Variants in CCDC177 observed in about 807,000 individuals in gnomAD.
CCDC177 encodes coiled-coil domain-containing protein 177.
Under a neutral mutation model 7.3 loss-of-function variants are expected in CCDC177, and 2 were observed. That is an observed-to-expected ratio of 0.28 (90% CI 0.11 to 0.87). The LOEUF (loss-of-function observed/expected upper bound fraction) is 0.87. CCDC177 is among the 40% of genes least tolerant of loss of function. The pLI, the probability that CCDC177 is intolerant of heterozygous loss-of-function variation, is 0.61. For synonymous variants in CCDC177, 401 were observed against 449.2 expected, an observed-to-expected ratio of 0.89 and a Z score of 1.36; for missense variants, 874 against 970.5, an observed-to-expected ratio of 0.90 and a Z score of 1.32.
rs371488804 is a variant in CCDC177, at chr14:69,570,714, A to C, written c.*785T>G. The C allele has an allele frequency of 4.3e-5, 18 of 419,958 alleles. No individual in the cohort carries two copies. The East Asian group carries it at 1.1e-3, about 26-fold the overall frequency. The allele number at this position is 419,958 out of a possible 1,614,324, so 26.0% of individuals were successfully genotyped here. ...TTAATGGAATGGAACACTGCTCCCA[A>C]AGGAATCCAGCCCCTCCAGGGGCTG... On this transcript the variant is annotated 3_prime_UTR_variant, in exon 2 of 2. Transcript: ENST00000599174.
rs560787174 is a variant in CCDC177, at chr14:69,573,725, T to C, written c.-28-75A>G. 331 of 1,188,276 alleles carry C rather than the reference T, an allele frequency of 2.8e-4. 4 individuals are homozygous for C. In the African/African-American group the frequency reaches 4.6e-3, roughly 16 times the overall value. 73.6% of individuals were successfully genotyped at this position (1,188,276 alleles called of 1,614,324 possible). Reference sequence around the variant, plus strand: ...CCCCTCCTCATCCATAGTCACCCCATCCCAACTTAATCCGCTTTCGGATTA... The same window carrying C: ...CCCCTCCTCATCCATAGTCACCCCACCCCAACTTAATCCGCTTTCGGATTA... On this transcript the variant is annotated intron_variant, in intron 1 of 1. Transcript: ENST00000599174.
rs1296617771 is a variant in CCDC177 at position 69,572,318 on chromosome 14, C to G, written c.1305G>C (p.Gln435His). 2 of 1,227,244 alleles carry G rather than the reference C, an allele frequency of 1.6e-6. No individual in the cohort carries two copies. Among genetic ancestry groups the G allele is most frequent in the East Asian group, 6.4e-5 (2 of 31,398 alleles). The allele number at this position is 1,227,244 out of a possible 1,614,324, so 76.0% of individuals were successfully genotyped here. A position where few individuals can be genotyped will look rare whatever the true frequency, so the allele number is the denominator to read the frequency against. Residue 435 changes from glutamine to histidine, a missense_variant, in exon 2 of 2, where the codon CAG becomes CAC. By Grantham distance (24) the Gln-to-His change is conservative. Coordinates refer to ENST00000599174, the MANE Select transcript of CCDC177 (RefSeq NM_001271507.2). ...EERRRELAER[Q>H]GLLRRERAER... Reference sequence around the variant, plus strand: ...CCGCCCGCTCCCGCCGCAGGAGGCCCTGGCGTTCGGCCAGCTCCCGCCGCC... The same window carrying G: ...CCGCCCGCTCCCGCCGCAGGAGGCCGTGGCGTTCGGCCAGCTCCCGCCGCC...
chr14:69,572,737 C>A lies in CCDC177; in HGVS notation c.886G>T (p.Val296Phe). The change falls in exon 2 of 2, where the codon GTT becomes TTT. Residue 296 changes from valine to phenylalanine, a missense_variant. Coordinates refer to ENST00000599174, the MANE Select transcript of CCDC177 (RefSeq NM_001271507.2). ...CTGAAGCTGCGGCCGGTGATCGGAA[C>A]CAGGGTCAGGGCAGACGGGCGGCCC... ...APGRPSALTLVPITGRSFSLG... is the reference protein window; with the variant it reads ...APGRPSALTLFPITGRSFSLG... 8.1e-7 allele frequency: 1 copy of A among 1,231,566 alleles called. No homozygotes were observed. Among genetic ancestry groups the A allele is most frequent in the East Asian group, 3.2e-5 (1 of 31,694 alleles). 76.3% of individuals were successfully genotyped at this position (1,231,566 alleles called of 1,614,324 possible).
Position 69,572,066 on chromosome 14 carries a change from C to T in CCDC177, c.1557G>A (p.Arg519=). Residue 519 remains arginine, a synonymous_variant, in exon 2 of 2, where the codon CGG becomes CGA. Transcript: ENST00000599174. ...CTCGCTCCTGGCGCTGCTGCCGGGT[C>T]CGACCCTGTAGCAGCGCCTCGTGGC... ...RARHEALLQG[R]TRQQRQEREG... The T allele has an allele frequency of 3.2e-6, 4 of 1,230,970 alleles. No homozygotes were observed. Among genetic ancestry groups the T allele is most frequent in the Non-Finnish European group, 4.1e-6 (4 of 987,468 alleles). The allele number at this position is 1,230,970 out of a possible 1,614,324, so 76.3% of individuals were successfully genotyped here.
chr14:69,572,046 T>C lies in CCDC177; in HGVS notation c.1577A>G (p.Glu526Gly). ...LQGRTRQQRQ[E>G]REGLRSSLEA... ...CAGCGAGCTCCGCAGGCCCTCTCGCTCCTGGCGCTGCTGCCGGGTCCGACC... is the reference window on the plus strand; with the variant it reads ...CAGCGAGCTCCGCAGGCCCTCTCGCCCCTGGCGCTGCTGCCGGGTCCGACC... The change falls in exon 2 of 2, where the codon GAG (glutamate) becomes GGG (glycine). Residue 526 changes from glutamate to glycine, a missense_variant. Transcript: ENST00000599174. 1 of 1,231,018 alleles carries C rather than the reference T, an allele frequency of 8.1e-7. No homozygotes were observed. The highest frequency in any genetic ancestry group is 1.0e-6 in the Non-Finnish European group (1 of 987,600). 76.3% of individuals were successfully genotyped at this position (1,231,018 alleles called of 1,614,324 possible).
rs4902734 is a variant in CCDC177, at chr14:69,573,164, C to G, written c.459G>C (p.Glu153Asp). ...GCCGCTTCTCCTCGCGCATGATGCGCTCGCGCTCGGCCCGGCATTGCTGCA... is the reference window on the plus strand; with the variant it reads ...GCCGCTTCTCCTCGCGCATGATGCGGTCGCGCTCGGCCCGGCATTGCTGCA... ...AKLQQCRAER[E>D]RIMREEKRRL... Residue 153 changes from glutamate (E) to aspartate (D), a missense_variant, in exon 2 of 2, where the codon GAG becomes GAC. Glu to Asp is a conservative substitution (Grantham distance 45). Coordinates refer to ENST00000599174, the MANE Select transcript of CCDC177 (RefSeq NM_001271507.2). 0.8 allele frequency: 981,478 copies of G among 1,230,306 alleles called. 393,596 individuals are homozygous for G. The highest frequency in any genetic ancestry group is 0.84 in the Admixed American group (19,879 of 23,652). 76.2% of individuals were successfully genotyped at this position (1,230,306 alleles called of 1,614,324 possible).
rs1288823794 is a variant in CCDC177 at position 69,572,148 on chromosome 14, C to A, written c.1475G>T (p.Arg492Leu). The change falls in exon 2 of 2, where the codon CGG becomes CTG. Residue 492 changes from arginine to leucine, a missense_variant. Physicochemically the swap from Arg to Leu is moderately radical, Grantham distance 102. Coordinates refer to ENST00000599174, the MANE Select transcript of CCDC177 (RefSeq NM_001271507.2). ...RAQRAARAKQRQEGQLQREKR... is the reference protein window; with the variant it reads ...RAQRAARAKQLQEGQLQREKR... ...CTCCCGCTGCAGCTGGCCCTCCTGCCGCTGCTTGGCGCGGGCCGCGCGCTG... is the reference window on the plus strand; with the variant it reads ...CTCCCGCTGCAGCTGGCCCTCCTGCAGCTGCTTGGCGCGGGCCGCGCGCTG... 4.9e-6 allele frequency: 6 copies of A among 1,230,644 alleles called. No homozygotes were observed. The highest frequency in any genetic ancestry group is 3.1e-5 in the African/African-American group (2 of 64,318). The allele number at this position is 1,230,644 out of a possible 1,614,324, so 76.2% of individuals were successfully genotyped here.
chr14:69,570,966 C>A lies in CCDC177; in HGVS notation c.*533G>T, dbSNP rs188065373. 3.5e-5 allele frequency: 16 copies of A among 459,250 alleles called. No homozygotes were observed. The highest frequency in any genetic ancestry group is 6.2e-5 in the South Asian group (4 of 64,592). 28.4% of individuals were successfully genotyped at this position (459,250 alleles called of 1,614,324 possible). On this transcript the variant is annotated 3_prime_UTR_variant, in exon 2 of 2. Transcript: ENST00000599174. ...TCAACTGCTTTTTGGATCATTTGGGCGTGGCTTGACACCTTGGAGGAGCTG... is the reference window on the plus strand; with the variant it reads ...TCAACTGCTTTTTGGATCATTTGGGAGTGGCTTGACACCTTGGAGGAGCTG...
chr14:69,571,882 G>A lies in CCDC177; in HGVS notation c.1741C>T (p.His581Tyr), dbSNP rs1369432760. ...KEAAERKERE[H>Y]QAHLEALARA... is the part of the protein sequence containing the mutation. The stretch of plus-strand genomic sequence containing the variant: ...GCCAGCGCCTCCAGGTGCGCCTGAT[G>A]TTCCCGCTCTTTGCGCTCTGCCGCC... Residue 581 changes from histidine to tyrosine, a missense_variant, in exon 2 of 2, where the codon CAT becomes TAT. Physicochemically the swap from His to Tyr is moderately conservative, Grantham distance 83. Coordinates refer to ENST00000599174, the MANE Select transcript of CCDC177 (RefSeq NM_001271507.2). 1.4e-5 allele frequency: 17 copies of A among 1,231,688 alleles called. No homozygotes were observed. Among genetic ancestry groups the A allele is most frequent in the Admixed American group, 4.2e-5 (1 of 23,694 alleles). 76.3% of individuals were successfully genotyped at this position (1,231,688 alleles called of 1,614,324 possible).
In CCDC177 at chr14:69,573,397, G is replaced by C; in HGVS notation, c.226C>G (p.Leu76Val). ...GCCTCTGGGCAGTCGAAGTTGAAGAGGTCGAGGTGCAGCAGCGGGGACTGC... is the reference window on the plus strand; with the variant it reads ...GCCTCTGGGCAGTCGAAGTTGAAGACGTCGAGGTGCAGCAGCGGGGACTGC... ...REQSPLLHLDLFNFDCPEAEG... is the reference protein window; with the variant it reads ...REQSPLLHLDVFNFDCPEAEG... The change falls in exon 2 of 2, where the codon CTC (leucine) becomes GTC (valine). Residue 76 changes from leucine to valine, a missense_variant. Transcript: ENST00000599174. 3 of 1,231,448 alleles carry C rather than the reference G, an allele frequency of 2.4e-6. No homozygotes were observed. The highest frequency in any genetic ancestry group is 1.0e-6 in the Non-Finnish European group (1 of 987,764). The allele number at this position is 1,231,448 out of a possible 1,614,324, so 76.3% of individuals were successfully genotyped here. A position where few individuals can be genotyped will look rare whatever the true frequency, so the allele number is the denominator to read the frequency against.
In CCDC177 at chr14:69,572,287, C is replaced by A. The variant is rs560978456; in HGVS notation, c.1336G>T (p.Ala446Ser). The A allele has an allele frequency of 8.1e-7, 1 of 1,228,400 alleles. No individual in the cohort carries two copies. 76.1% of individuals were successfully genotyped at this position (1,228,400 alleles called of 1,614,324 possible). A position where few individuals can be genotyped will look rare whatever the true frequency, so the allele number is the denominator to read the frequency against. The change falls in exon 2 of 2, where the codon GCG becomes TCG. Residue 446 changes from alanine to serine, a missense_variant. Ala to Ser is a moderately conservative substitution (Grantham distance 99). Coordinates refer to ENST00000599174, the MANE Select transcript of CCDC177 (RefSeq NM_001271507.2). ...TTGCGCAGCCGATCCTCCCGGGCCG[C>A]GCGCTCCGCCCGCTCCCGCCGCAGG... ...GLLRRERAER[A>S]AREDRLRKLQ...
In CCDC177 at chr14:69,572,227, C is replaced by A. The variant is rs953037062; in HGVS notation, c.1396G>T (p.Glu466Ter). 8.9e-6 allele frequency: 11 copies of A among 1,229,550 alleles called. No individual in the cohort carries two copies. The highest frequency in any genetic ancestry group is 1.1e-5 in the Non-Finnish European group (11 of 986,696). 76.2% of individuals were successfully genotyped at this position (1,229,550 alleles called of 1,614,324 possible). A position where few individuals can be genotyped will look rare whatever the true frequency, so the allele number is the denominator to read the frequency against. Residue 466 changes from glutamate (E) to a stop codon, truncating the protein, a stop_gained, in exon 2 of 2, where the codon GAA becomes TAA. Transcript: ENST00000599174. LOFTEE classifies it low-confidence loss of function (END_TRUNC). ...CGCTCCCGCCCTTCCTGTAGACCTTCCTCACGTTGCTTCAGGTTCTGCTCC... is the reference window on the plus strand; with the variant it reads ...CGCTCCCGCCCTTCCTGTAGACCTTACTCACGTTGCTTCAGGTTCTGCTCC... ...QQEQNLKQRE[E>*]GLQEGRERAE... is the part of the protein sequence containing the mutation.
Position 69,572,024 on chromosome 14 carries a change from C to A in CCDC177, c.1599G>T (p.Ser533=). 1 of 1,231,426 alleles carries A rather than the reference C, an allele frequency of 8.1e-7. No homozygotes were observed. The highest frequency in any genetic ancestry group is 1.0e-6 in the Non-Finnish European group (1 of 987,810). 76.3% of individuals were successfully genotyped at this position (1,231,426 alleles called of 1,614,324 possible). The change falls in exon 2 of 2, where the codon TCG becomes TCT. Residue 533 remains serine, a synonymous_variant. Coordinates refer to ENST00000599174, the MANE Select transcript of CCDC177 (RefSeq NM_001271507.2). ...QRQEREGLRS[S]LEASLGRAQE... ...GCGCACGGCCCAAACTGGCTTCCAGCGAGCTCCGCAGGCCCTCTCGCTCCT... is the reference window on the plus strand; with the variant it reads ...GCGCACGGCCCAAACTGGCTTCCAGAGAGCTCCGCAGGCCCTCTCGCTCCT...
chr14:69,573,205 C>G lies in CCDC177; in HGVS notation c.418G>C (p.Glu140Gln), dbSNP rs1884372643. ...ATGLYEAYEA[E>Q]RRAKLQQCRA... ...CATTGCTGCAGCTTGGCGCGCCGCTCCGCCTCGTAGGCCTCATACAGGCCG... is the reference window on the plus strand; with the variant it reads ...CATTGCTGCAGCTTGGCGCGCCGCTGCGCCTCGTAGGCCTCATACAGGCCG... The change falls in exon 2 of 2, where the codon GAG becomes CAG. Residue 140 changes from glutamate (E) to glutamine (Q), a missense_variant. By Grantham distance (29) the Glu-to-Gln change is conservative (BLOSUM62 2). Transcript: ENST00000599174. The G allele has an allele frequency of 3.2e-6, 4 of 1,230,896 alleles. No homozygotes were observed. Among genetic ancestry groups the G allele is most frequent in the Non-Finnish European group, 3.0e-6 (3 of 987,442 alleles). The allele number at this position is 1,230,896 out of a possible 1,614,324, so 76.2% of individuals were successfully genotyped here.
rs1302386114 is a variant in CCDC177, at chr14:69,570,291, A to G, written c.*1208T>C. On this transcript the variant is annotated 3_prime_UTR_variant, in exon 2 of 2. Transcript: ENST00000599174. ...CCAGGAGAGGAATACTGATGGTTCC[A>G]TCTGGCGAATGGGAAAGGTGAGGCA... 6.3e-6 allele frequency: 1 copy of G among 158,742 alleles called. No individual in the cohort carries two copies. Among genetic ancestry groups the G allele is most frequent in the Non-Finnish European group, 1.4e-5 (1 of 71,560 alleles). The allele number at this position is 158,742 out of a possible 1,614,324, so 9.8% of individuals were successfully genotyped here. A position where few individuals can be genotyped will look rare whatever the true frequency, so the allele number is the denominator to read the frequency against.
In CCDC177 at chr14:69,572,314, G is replaced by A. The variant is rs1310350974; in HGVS notation, c.1309C>T (p.Leu437Phe). Reference protein sequence around the residue: ...RRRELAERQGLLRRERAERAA... With the variant: ...RRRELAERQGFLRRERAERAA... Reference sequence around the variant, plus strand: ...CGCTCCGCCCGCTCCCGCCGCAGGAGGCCCTGGCGTTCGGCCAGCTCCCGC... The same window carrying A: ...CGCTCCGCCCGCTCCCGCCGCAGGAAGCCCTGGCGTTCGGCCAGCTCCCGC... Residue 437 changes from leucine (L) to phenylalanine (F), a missense_variant, in exon 2 of 2, where the codon CTC becomes TTC. Coordinates refer to ENST00000599174, the MANE Select transcript of CCDC177 (RefSeq NM_001271507.2). The A allele has an allele frequency of 8.1e-7, 1 of 1,227,206 alleles. No individual in the cohort carries two copies. Among genetic ancestry groups the A allele is most frequent in the Admixed American group, 4.3e-5 (1 of 23,476 alleles). The allele number at this position is 1,227,206 out of a possible 1,614,324, so 76.0% of individuals were successfully genotyped here. A position where few individuals can be genotyped will look rare whatever the true frequency, so the allele number is the denominator to read the frequency against.
Position 69,572,370 on chromosome 14 carries a change from T to TGCC in CCDC177, c.1250_1252dup (p.Arg417dup). 1 of 1,220,428 alleles carries TGCC rather than the reference T, an allele frequency of 8.2e-7. No homozygotes were observed. The highest frequency in any genetic ancestry group is 1.0e-6 in the Non-Finnish European group (1 of 980,900). The allele number at this position is 1,220,428 out of a possible 1,614,324, so 75.6% of individuals were successfully genotyped here. ...CTCCTCGCTGCGCTCGTACTGCCGC[T>TGCC]GCCGCCGCCGCGCCGCCTCGCGCTC... On this transcript the variant is annotated inframe_insertion, in exon 2 of 2. Transcript: ENST00000599174.
At position 69,572,465 on chromosome 14, in the gene CCDC177, G is replaced by A. The variant is rs1884348147; in HGVS notation, c.1158C>T (p.Arg386=). 8.1e-7 allele frequency: 1 copy of A among 1,229,144 alleles called. No homozygotes were observed. The highest frequency in any genetic ancestry group is 4.1e-5 in the South Asian group (1 of 24,244). The allele number at this position is 1,229,144 out of a possible 1,614,324, so 76.1% of individuals were successfully genotyped here. The change falls in exon 2 of 2, where the codon CGC becomes CGT. Residue 386 remains arginine, a synonymous_variant. Transcript: ENST00000599174. The stretch of plus-strand genomic sequence containing the variant: ...AGGCTCGGCGGCCCTGCTCTAGGGC[G>A]CGCTGCTTCTCCCGCTCCTCGCGCT... ...RREREEREKQ[R]ALEQGRRAWA... is the part of the protein sequence containing the mutation.
In CCDC177 at chr14:69,572,332, G is replaced by A; in HGVS notation, c.1291C>T (p.Leu431=). 1 of 1,226,174 alleles carries A rather than the reference G, an allele frequency of 8.2e-7. No homozygotes were observed. The highest frequency in any genetic ancestry group is 1.0e-6 in the Non-Finnish European group (1 of 984,508). The allele number at this position is 1,226,174 out of a possible 1,614,324, so 76.0% of individuals were successfully genotyped here. A position where few individuals can be genotyped will look rare whatever the true frequency, so the allele number is the denominator to read the frequency against. The part of the protein sequence containing the change: ...YERSEERRRE[L]AERQGLLRRE... ...CGCAGGAGGCCCTGGCGTTCGGCCA[G>A]CTCCCGCCGCCGCTCCTCGCTGCGC... Residue 431 remains leucine, a synonymous_variant, in exon 2 of 2, where the codon CTG becomes TTG. Transcript: ENST00000599174.
Sources: gnomAD v4.1 joint callset for allele counts on GRCh38, gnomAD v4.1.1 for gene constraint, MANE v1.5 for transcripts, NCBI Gene and HGNC (gene_info 2026-07-23, HGNC 2026-07-21) for gene names.